RPS27A: variants seen among roughly 807,000 people sequenced by gnomAD.
RPS27A encodes ribosomal protein S27a, also known as ubiquitin-ribosomal protein eS31 fusion protein.
In RPS27A, 1 loss-of-function variant was observed where a neutral mutation model predicts 18.9. The ratio of observed to expected loss-of-function variants is 0.05; its 90% confidence interval spans 0.02 to 0.25. The LOEUF (loss-of-function observed/expected upper bound fraction) is 0.25. Among genes scored for constraint, RPS27A ranks in the 10% least tolerant of loss-of-function variants. The pLI is 1.00. For synonymous variants in RPS27A, 77 were observed against 63.7 expected, an observed-to-expected ratio of 1.21 and a Z score of -0.99; for missense variants, 123 against 187.4, an observed-to-expected ratio of 0.66 and a Z score of 2.01.
At chr2:55,235,105 G>A (rs1250187893) in intron 5 of RPS27A, 143 bp downstream of exon 5, 6 of 930,898 alleles carry the variant, frequency 6.4e-6, no homozygotes, top group Non-Finnish European at 9.8e-6. Flanking sequence ...CTGGAAATGA[G>A]AAATTCAGAC....
At chr2:55,232,898 G>A in intron 2 of RPS27A, 26 bp downstream of exon 2, 1 of 1,597,346 alleles carries the variant, frequency 6.3e-7, no homozygotes, top group Non-Finnish European at 8.6e-7. Flanking sequence ...TCATGAGGAA[G>A]CCAAGGTCCG....
chr2:55,233,907 G>C, intron 3 of RPS27A: 1 of 616,150 alleles, frequency 1.6e-6, no homozygotes, highest in South Asian at 1.9e-5. Context: ...TGGTATTACA[G>C]GTGTCAGCCA....
At position 55,234,100 on chromosome 2, in the gene RPS27A, TTTTG is replaced by T; in HGVS notation, c.104-15_104-12del. On this transcript the variant is annotated splice_polypyrimidine_tract_variant and intron_variant, in intron 3 of 5. Coordinates refer to ENST00000272317, the MANE Select transcript of RPS27A (RefSeq NM_002954.6). ...CAGGCTTGGTGTGCTGTGACTTAAT[TTTTG>T]TTTTTTGTCATTAGGAATTCCTCCT... 6.3e-7 allele frequency: 1 copy of T among 1,588,328 alleles called. No homozygotes were observed. Among genetic ancestry groups the T allele is most frequent in the East Asian group, 2.2e-5 (1 of 44,748 alleles).
In RPS27A at chr2:55,235,753, C is replaced by A; in HGVS notation, c.*176C>A. The A allele has an allele frequency of 1.4e-6, 1 of 696,568 alleles. No homozygotes were observed. The highest frequency in any genetic ancestry group is 2.5e-6 in the Non-Finnish European group (1 of 405,486). 43.1% of individuals were successfully genotyped at this position (696,568 alleles called of 1,614,324 possible). ...TATGTGACCCAGTGGTTCTGTATAC[C>A]TGCCAGGTGCCAACCACTTGTAAAG... On this transcript the variant is annotated 3_prime_UTR_variant, in exon 6 of 6. Transcript: ENST00000272317.
In RPS27A at chr2:55,234,175, C is replaced by T. The variant is rs754038214; in HGVS notation, c.160C>T (p.Arg54Cys). 2.6e-5 allele frequency: 42 copies of T among 1,611,184 alleles called. No homozygotes were observed. The highest frequency in any genetic ancestry group is 3.2e-5 in the Non-Finnish European group (38 of 1,177,554). ...TGCTGGCAAGCAGCTGGAAGATGGA[C>T]GTACTTTGTCTGACTACAATATTCA... ...IFAGKQLEDG[R>C]TLSDYNIQKE... The change falls in exon 4 of 6, where the codon CGT becomes TGT. Residue 54 changes from arginine (R) to cysteine (C), a missense_variant. Around this residue, in one of 2 missense-constraint regions of RPS27A, gnomAD observed 66 missense variants for 72.6 expected, o/e 0.91. Coordinates refer to ENST00000272317, the MANE Select transcript of RPS27A (RefSeq NM_002954.6).
At position 55,234,939 on chromosome 2, in the gene RPS27A, C is replaced by T; in HGVS notation, c.298C>T (p.Leu100=). The stretch of plus-strand genomic sequence containing the variant: ...TAAGCACAAGAGAAAGAAGGTTAAG[C>T]TGGCTGTCCTGAAATATTATAAGGT... ...KNKHKRKKVK[L]AVLKYYKVDE... The change falls in exon 5 of 6, where the codon CTG becomes TTG. Residue 100 remains leucine (L), a synonymous_variant. Coordinates refer to ENST00000272317, the MANE Select transcript of RPS27A (RefSeq NM_002954.6). The T allele has an allele frequency of 6.2e-7, 1 of 1,613,180 alleles. No individual in the cohort carries two copies. Among genetic ancestry groups the T allele is most frequent in the Admixed American group, 1.7e-5 (1 of 60,006 alleles).
At chr2:55,232,769 C>A in intron 1 of RPS27A, 39 bp from the exon 2 acceptor site, 1 of 1,524,852 alleles carries the variant, frequency 6.6e-7, no homozygotes, top group Non-Finnish European at 9.0e-7. Flanking sequence ...CTCTTGTGAT[C>A]CCTGACCTAA....
intron 3 of RPS27A, 40 bp from the exon 4 acceptor site, chr2:55,234,079 C>A: frequency 7.6e-7 from 1 of 1,310,344 alleles, no homozygotes; most frequent in Non-Finnish European, 1.1e-6. Flanking sequence ...ACATCACAGG[C>A]TTGGTGTGCT....
rs563309265 is a variant in RPS27A at position 55,233,084 on chromosome 2, C to T, written c.48+212C>T. On this transcript the variant is annotated intron_variant, in intron 2 of 5. Transcript: ENST00000272317. ...CCTGTCTCCTCTCGAGGGGTTCCAG[C>T]TAGTTAGTTAAAACGGAGGAGCTGC... The T allele has an allele frequency of 5.4e-5, 35 of 651,542 alleles. No individual in the cohort carries two copies. The African/African-American group carries it at 6.3e-4, about 12-fold the overall frequency. 40.4% of individuals were successfully genotyped at this position (651,542 alleles called of 1,614,324 possible).
At chr2:55,233,986 A>G (rs1675656446) in intron 3 of RPS27A, 133 bp from the exon 4 acceptor site, 1 of 737,000 alleles carries the variant, frequency 1.4e-6, no homozygotes, top group South Asian at 1.4e-5. Context: ...ATTTAGAACC[A>G]TGCCTAACCT....
At chr2:55,232,784 T>G in intron 1 of RPS27A, 24 bp from the exon 2 acceptor site, 1 of 1,590,132 alleles carries the variant, frequency 6.3e-7, no homozygotes, top group Non-Finnish European at 8.6e-7. Context: ...ACCTAACCTG[T>G]CTCTTCCTTT....
At chr2:55,235,063 ATAT>A (rs1675719911) in intron 5 of RPS27A, 101 bp downstream of exon 5, 5 of 1,274,086 alleles carry the variant, frequency 3.9e-6, no homozygotes, top group South Asian at 2.5e-5. Flanking sequence ...TAAACACCCA[ATAT>A]TATCCCACTT....
chr2:55,231,928 GGA>G (rs1450379434), upstream of RPS27A: 1 of 152,200 alleles, frequency 6.6e-6, no homozygotes, highest in East Asian at 1.9e-4. Flanking sequence ...CCCTAGGCTG[GGA>G]GAGACTCGGC....
chr2:55,233,679 G>C (rs887542110), intron 3 of RPS27A: 45 of 518,488 alleles, frequency 8.7e-5, no homozygotes, highest in African/African-American at 8.1e-4. Context: ...GCCCAGGCTG[G>C]AGTGCATTCG....
In RPS27A at chr2:55,235,440, G is replaced by A. The variant is rs1233722430; in HGVS notation, c.334G>A (p.Gly112Ser). 6.2e-7 allele frequency: 1 copy of A among 1,612,000 alleles called. No homozygotes were observed. The highest frequency in any genetic ancestry group is 8.5e-7 in the Non-Finnish European group (1 of 1,179,876). ...TTGTGCTTTTCAGGTGGATGAGAATGGCAAAATTAGTCGCCTTCGTCGAGA... is the reference window on the plus strand; with the variant it reads ...TTGTGCTTTTCAGGTGGATGAGAATAGCAAAATTAGTCGCCTTCGTCGAGA... Reference protein sequence around the residue: ...VLKYYKVDENGKISRLRRECP... With the variant: ...VLKYYKVDENSKISRLRRECP... The change falls in exon 6 of 6, where the codon GGC (glycine) becomes AGC (serine). Residue 112 changes from glycine (G) to serine (S), a missense_variant. Around this residue, in one of 2 missense-constraint regions of RPS27A, gnomAD observed 57 missense variants for 114.8 expected, o/e 0.50. Coordinates refer to ENST00000272317, the MANE Select transcript of RPS27A (RefSeq NM_002954.6).
Position 55,234,222 on chromosome 2 carries a change from G to A in RPS27A, c.189+18G>A, listed in dbSNP as rs755701479. The A allele has an allele frequency of 2.6e-6, 4 of 1,525,800 alleles. No individual in the cohort carries two copies. The highest frequency in any genetic ancestry group is 3.6e-6 in the Non-Finnish European group (4 of 1,099,680). 94.5% of individuals were successfully genotyped at this position (1,525,800 alleles called of 1,614,324 possible). A position where few individuals can be genotyped will look rare whatever the true frequency, so the allele number is the denominator to read the frequency against. On this transcript the variant is annotated intron_variant, in intron 4 of 5. Coordinates refer to ENST00000272317, the MANE Select transcript of RPS27A (RefSeq NM_002954.6). ...TTCAAAAGGTCTGTCTAGGGGAAGAGCAGCCTCTTTTAAAAAAAAAATGTT... is the reference window on the plus strand; with the variant it reads ...TTCAAAAGGTCTGTCTAGGGGAAGAACAGCCTCTTTTAAAAAAAAAATGTT...
Position 55,232,851 on chromosome 2 carries a change from G to A in RPS27A, c.27G>A (p.Thr9=). The part of the protein sequence containing the change: MQIFVKTL[T]GKTITLEVEP... ...TGCAGATTTTCGTGAAAACCCTTACGGGGAAGACCATCACCCTCGAGGTAC... is the reference window on the plus strand; with the variant it reads ...TGCAGATTTTCGTGAAAACCCTTACAGGGAAGACCATCACCCTCGAGGTAC... Residue 9 remains threonine, a synonymous_variant, in exon 2 of 6, where the codon ACG becomes ACA. Coordinates refer to ENST00000272317, the MANE Select transcript of RPS27A (RefSeq NM_002954.6). 6.2e-7 allele frequency: 1 copy of A among 1,613,280 alleles called. No homozygotes were observed. Among genetic ancestry groups the A allele is most frequent in the South Asian group, 1.1e-5 (1 of 90,702 alleles).
intron 5 of RPS27A, 190 bp from the exon 6 acceptor site, chr2:55,235,238 T>C: frequency 1.3e-6 from 1 of 754,838 alleles, no homozygotes; most frequent in Non-Finnish European, 2.2e-6. Flanking sequence ...CCTTTAGTGT[T>C]CAAAAGTCCC....
At chr2:55,233,066 C>A (rs575446699) in intron 2 of RPS27A, 194 bp downstream of exon 2, 2 of 670,228 alleles carry the variant, frequency 3.0e-6, no homozygotes, top group African/African-American at 1.8e-5. Flanking sequence ...GGACCTGTCT[C>A]CTCTCGAGGG....
Sources: gnomAD v4.1 joint callset for allele counts on GRCh38, gnomAD v4.1.1 for gene constraint, gnomAD v4.1.1 regional missense constraint, MANE v1.5 for transcripts, NCBI Gene and HGNC (gene_info 2026-07-23, HGNC 2026-07-21) for gene names.